Variants in PALM3 observed in about 807,000 individuals in gnomAD.
PALM3 encodes paralemmin 3.
A neutral mutation model predicts 27.9 loss-of-function variants in PALM3; 20 were observed. The ratio of observed to expected loss-of-function variants is 0.72; its 90% CI spans 0.50 to 1.04. The LOEUF is 1.04. Ranked by LOEUF, PALM3 falls within the 50% of genes least tolerant of loss-of-function variation. The pLI is 0.00. For missense variants in PALM3, 814 were observed against 869.4 expected (o/e 0.94, Z 0.80); for synonymous variants, 328 against 352.7 (o/e 0.93, Z 0.79).
In PALM3 at chr19:14,061,929, C is replaced by T. The variant is rs1419918146; in HGVS notation, c.41+11G>A. The T allele has an allele frequency of 2.0e-6, 2 of 985,266 alleles. No homozygotes were observed. The highest frequency in any genetic ancestry group is 1.1e-4 in the East Asian group (1 of 8,788). The allele number at this position is 985,266 out of a possible 1,614,324, so 61.0% of individuals were successfully genotyped here. ...CTGCCCACCAGCCCCCCTGACCCCC[C>T]AGACACTTACATGGGTGTGGCCAGA... On this transcript the variant is annotated intron_variant, in intron 1 of 6. Transcript: ENST00000669674.
At chr19:14,056,157 C>A (rs528902278) in intron 5 of PALM3, among the ~76,000 whole-genome samples, 2 of 152,348 alleles carry the variant, frequency 1.3e-5, no homozygotes, top group East Asian at 3.9e-4. Flanking sequence ...GATCCGCCCA[C>A]CTCGGCCTCC....
At position 14,062,027 on chromosome 19, in the gene PALM3, A is replaced by G. The variant is rs1394674935; in HGVS notation, c.-47T>C. 7.1e-6 allele frequency: 7 copies of G among 980,836 alleles called. No homozygotes were observed. In the East Asian group the frequency reaches 5.7e-4, roughly 80 times the overall value. The allele number at this position is 980,836 out of a possible 1,614,324, so 60.8% of individuals were successfully genotyped here. A position where few individuals can be genotyped will look rare whatever the true frequency, so the allele number is the denominator to read the frequency against. On this transcript the variant is annotated 5_prime_UTR_variant, in exon 1 of 7. Transcript: ENST00000669674. ...CTGGTCTCCGAGTTCTGGACCCACCACCCGCTTGCCTGAAGGTGCCCCGGA... is the reference window on the plus strand; with the variant it reads ...CTGGTCTCCGAGTTCTGGACCCACCGCCCGCTTGCCTGAAGGTGCCCCGGA...
chr19:14,061,715 C>A (rs1011652054), intron 1 of PALM3, among the ~76,000 whole-genome samples: 3 of 152,106 alleles, frequency 2.0e-5, no homozygotes, highest in Non-Finnish European at 2.9e-5. Flanking sequence ...GGAAAATCCC[C>A]GAAGAGGAAG....
chr19:14,056,883 C>G, intron 3 of PALM3, 79 bp from the exon 4 acceptor site: 1 of 1,405,736 alleles, frequency 7.1e-7, no homozygotes. Context: ...CCTCTGCAGG[C>G]TGGGCAGGTA....
Position 14,054,681 on chromosome 19 carries a change from T to A in PALM3, c.991A>T (p.Ile331Leu), listed in dbSNP as rs1173724839. The change falls in exon 7 of 7, where the codon ATA becomes TTA. Residue 331 changes from isoleucine to leucine, a missense_variant. Physicochemically the swap from Ile to Leu is conservative, Grantham distance 5 (BLOSUM62 2). Transcript: ENST00000669674. Reference sequence around the variant, plus strand: ...CCCTGGGGCACATCTTCCCCTTCTATGGAAGCTGCTGCCTCTAATCTCTCC... The same window carrying A: ...CCCTGGGGCACATCTTCCCCTTCTAAGGAAGCTGCTGCCTCTAATCTCTCC... ...LQERLEAAAS[I>L]EGEDVPQGSP... The A allele has an allele frequency of 6.4e-7, 1 of 1,551,306 alleles. No homozygotes were observed. The highest frequency in any genetic ancestry group is 2.0e-5 in the Admixed American group (1 of 50,944).
rs1976257918 is a variant in PALM3, at chr19:14,054,482, GC to G, written c.1189del (p.Ala397ProfsTer23). On this transcript the variant is annotated frameshift_variant, in exon 7 of 7. Transcript: ENST00000669674. LOFTEE classifies it low-confidence loss of function (END_TRUNC). ...GDESPLGAEG[A>X]KTGGGEETWE... ...GGTCTCCTCGCCTCCTCCCGTCTTG[GC>G]CCCCTCGGCCCCCAGCGGGCTTTCA... 1 of 1,550,650 alleles carries G rather than the reference GC, an allele frequency of 6.4e-7. No individual in the cohort carries two copies. Among genetic ancestry groups the G allele is most frequent in the African/African-American group, 1.4e-5 (1 of 72,936 alleles).
chr19:14,058,921 G>A (rs1400016333), intron 2 of PALM3, among the ~76,000 whole-genome samples, 194 bp downstream of exon 2: 1 of 151,936 alleles, frequency 6.6e-6, no homozygotes, highest in Non-Finnish European at 1.5e-5. Flanking sequence ...GAAGTGTGGG[G>A]GCCACAGCTC....
At position 14,054,581 on chromosome 19, in the gene PALM3, A is replaced by G. The variant is rs765230261; in HGVS notation, c.1091T>C (p.Leu364Pro). The change falls in exon 7 of 7, where the codon CTC becomes CCC. Residue 364 changes from leucine (L) to proline (P), a missense_variant. Leu to Pro is a moderately conservative substitution (Grantham distance 98). Coordinates refer to ENST00000669674, the MANE Select transcript of PALM3 (RefSeq NM_001145028.2). ...CAGCAGCTCCTCCCACTCTTCACTG[A>G]GGGTCACTCTCTCCACCCAAATGAA... ...GSFIWVERVT[L>P]SEEWEELLVE... 6.4e-7 allele frequency: 1 copy of G among 1,551,470 alleles called. No homozygotes were observed. The highest frequency in any genetic ancestry group is 2.0e-5 in the Admixed American group (1 of 50,918).
chr19:14,053,585 T>C lies in PALM3; in HGVS notation c.*20A>G, dbSNP rs1976222998. The C allele has an allele frequency of 6.2e-6, 9 of 1,444,558 alleles. No individual in the cohort carries two copies. Among genetic ancestry groups the C allele is most frequent in the Non-Finnish European group, 8.2e-6 (9 of 1,097,108 alleles). The allele number at this position is 1,444,558 out of a possible 1,614,324, so 89.5% of individuals were successfully genotyped here. On this transcript the variant is annotated 3_prime_UTR_variant, in exon 7 of 7. Coordinates refer to ENST00000669674, the MANE Select transcript of PALM3 (RefSeq NM_001145028.2). ...AGGTAGCTGTGAGAGGAGCTGGACA[T>C]GGGGTGGAGGGGCATGGGTTCACAT...
At position 14,055,097 on chromosome 19, in the gene PALM3, G is replaced by A. The variant is rs1568507387; in HGVS notation, c.575C>T (p.Ala192Val). 8 of 1,551,562 alleles carry A rather than the reference G, an allele frequency of 5.2e-6. No individual in the cohort carries two copies. Among genetic ancestry groups the A allele is most frequent in the Non-Finnish European group, 3.5e-6 (4 of 1,146,980 alleles). ...LPGPRQVPGA[A>V]GDSSEANGPC... ...GCCATTGGCTTCTGAGGAGTCTCCTGCTGCCCCGGGGACCTGCCTCGGGCC... is the reference window on the plus strand; with the variant it reads ...GCCATTGGCTTCTGAGGAGTCTCCTACTGCCCCGGGGACCTGCCTCGGGCC... Residue 192 changes from alanine to valine, a missense_variant, in exon 7 of 7, where the codon GCA becomes GTA. Coordinates refer to ENST00000669674, the MANE Select transcript of PALM3 (RefSeq NM_001145028.2).
In PALM3 at chr19:14,054,814, C is replaced by T. The variant is rs1976269317; in HGVS notation, c.858G>A (p.Arg286=). ...CCTCCCAGACCACCTCCACGATGCC[C>T]CTGTCCTCCTTCACCCAGGCCGGGA... ...LELPAWVKED[R]GIVEVVWEGV... Residue 286 remains arginine, a synonymous_variant, in exon 7 of 7, where the codon AGG becomes AGA. Coordinates refer to ENST00000669674, the MANE Select transcript of PALM3 (RefSeq NM_001145028.2). 6.5e-7 allele frequency: 1 copy of T among 1,549,846 alleles called. No homozygotes were observed. The highest frequency in any genetic ancestry group is 8.7e-7 in the Non-Finnish European group (1 of 1,146,112).
intron 3 of PALM3, 106 bp from the exon 4 acceptor site, chr19:14,056,910 C>T: frequency 8.5e-7 from 1 of 1,169,858 alleles, no homozygotes. Context: ...CACCACCTCA[C>T]AACCAGTTGC....
chr19:14,056,355 T>C (rs771997393), intron 5 of PALM3, 74 bp downstream of exon 5: 173 of 1,416,406 alleles, frequency 1.2e-4, no homozygotes, highest in Non-Finnish European at 1.0e-4. Context: ...GAAAGCTGCA[T>C]TCCTGATTCC....
chr19:14,055,188 C>A lies in PALM3; in HGVS notation c.484G>T (p.Gly162Ter). 6.5e-7 allele frequency: 1 copy of A among 1,541,124 alleles called. No homozygotes were observed. Among genetic ancestry groups the A allele is most frequent in the South Asian group, 1.2e-5 (1 of 82,550 alleles). The change falls in exon 7 of 7, where the codon GGA becomes TGA. Residue 162 changes from glycine (G) to a stop codon, truncating the protein, a stop_gained. Coordinates refer to ENST00000669674, the MANE Select transcript of PALM3 (RefSeq NM_001145028.2). LOFTEE classifies it low-confidence loss of function (END_TRUNC). ...DLNKRASLPA[G>*]LVGTPPESPS... Reference sequence around the variant, plus strand: ...GACTCTGGAGGCGTGCCCACTAGTCCAGCCGGCAGGGAGGCTCTCTTGTTC... The same window carrying A: ...GACTCTGGAGGCGTGCCCACTAGTCAAGCCGGCAGGGAGGCTCTCTTGTTC...
Position 14,054,827 on chromosome 19 carries a change from A to T in PALM3, c.845T>A (p.Val282Glu). 2.6e-6 allele frequency: 4 copies of T among 1,538,912 alleles called. No individual in the cohort carries two copies. Among genetic ancestry groups the T allele is most frequent in the Non-Finnish European group, 3.5e-6 (4 of 1,142,184 alleles). Residue 282 changes from valine (V) to glutamate (E), a missense_variant, in exon 7 of 7, where the codon GTG (valine) becomes GAG (glutamate). By Grantham distance (121) the Val-to-Glu change is moderately radical. Coordinates refer to ENST00000669674, the MANE Select transcript of PALM3 (RefSeq NM_001145028.2). ...GAGSLELPAW[V>E]KEDRGIVEVV... ...CTCCACGATGCCCCTGTCCTCCTTC[A>T]CCCAGGCCGGGAGCTCCAGGCTACC... is the stretch of plus-strand genomic sequence containing the variant.
chr19:14,060,818 T>A (rs1199820824), intron 1 of PALM3, among the ~76,000 whole-genome samples: 1 of 152,130 alleles, frequency 6.6e-6, no homozygotes, highest in East Asian at 1.9e-4. Flanking sequence ...TGGAGTGCAA[T>A]GGCTCAATCT....
chr19:14,055,289 A>AG, intron 6 of PALM3, 63 bp from the exon 7 acceptor site: 2 of 1,527,822 alleles, frequency 1.3e-6, no homozygotes, highest in Non-Finnish European at 1.8e-6. Context: ...ATGGAACAAA[A>AG]GGACTGCCAT....
chr19:14,061,231 T>C (rs754758442), intron 1 of PALM3, among the ~76,000 whole-genome samples: 2 of 152,056 alleles, frequency 1.3e-5, no homozygotes, highest in Non-Finnish European at 2.9e-5. Context: ...AGCAACCAGG[T>C]TTGTAGTTGG....
intron 1 of PALM3, among the ~76,000 whole-genome samples, chr19:14,059,824 C>T (rs1976387822): frequency 6.6e-6 from 1 of 152,114 alleles, no homozygotes; most frequent in African/African-American, 2.4e-5. Context: ...ACAAGGATCA[C>T]TGGGTCACTC....
Sources: allele counts gnomAD v4.1 joint callset (sites outside exome capture counted in the v4.1 genomes callset), GRCh38; gene constraint gnomAD v4.1.1; transcripts MANE v1.5; gene names NCBI Gene and HGNC (gene_info 2026-07-23, HGNC 2026-07-21).